MARCHF2: variants seen among roughly 807,000 people sequenced by gnomAD.
MARCHF2 encodes the protein E3 ubiquitin-protein ligase MARCHF2.
In MARCHF2, 22 loss-of-function variants were observed where a neutral mutation model predicts 24.0. That is an observed-to-expected ratio of 0.92 (90% CI 0.66 to 1.31). MARCHF2 has a LOEUF of 1.31. Ranked by LOEUF, MARCHF2 falls within the 50% of genes most tolerant of loss-of-function variation. The probability of loss-of-function intolerance (pLI) is 0.00; values close to 1 mark genes in which losing one functional copy is unlikely to be tolerated. For missense variants in MARCHF2, 301 were observed against 335.3 expected, an observed-to-expected ratio of 0.90 and a Z score of 0.80; for synonymous variants, 154 against 153.0, an observed-to-expected ratio of 1.01 and a Z score of -0.05.
rs780312175 is a variant in MARCHF2 at position 8,426,649 on chromosome 19, G to A, written c.217G>A (p.Gly73Arg). 4.3e-6 allele frequency: 7 copies of A among 1,613,976 alleles called. No individual in the cohort carries two copies. Among genetic ancestry groups the A allele is most frequent in the Admixed American group, 1.7e-5 (1 of 59,988 alleles). ...CCGGATCTGCCATGAGGGAGCGAAC[G>A]GGGAGTGCTTGCTGTCCCCGTGTGG... ...FCRICHEGAN[G>R]ECLLSPCGCT... Residue 73 changes from glycine (G) to arginine (R), a missense_variant, in exon 3 of 5, where the codon GGG becomes AGG. Physicochemically the swap from Gly to Arg is moderately radical, Grantham distance 125. Coordinates refer to ENST00000215555, the MANE Select transcript of MARCHF2 (RefSeq NM_001005415.2).
chr19:8,434,288 T>G (rs1194593708), intron 4 of MARCHF2, among the ~76,000 whole-genome samples: 2 of 152,074 alleles, frequency 1.3e-5, no homozygotes, highest in Non-Finnish European at 2.9e-5. Context: ...TTTCGCCATG[T>G]TGGCCAGGCT....
At chr19:8,417,902 AC>A (rs1967126840) in intron 1 of MARCHF2, among the ~76,000 whole-genome samples, 1 of 151,066 alleles carries the variant, frequency 6.6e-6, no homozygotes, top group Non-Finnish European at 1.5e-5. Flanking sequence ...AGCTGGGATT[AC>A]AGGCATGCGC....
Position 8,430,583 on chromosome 19 carries a change from G to T in MARCHF2, c.373-75G>T. On this transcript the variant is annotated intron_variant, in intron 3 of 4. Transcript: ENST00000215555. The surrounding 1 kb of genome is among the most constrained non-coding windows in gnomAD (Gnocchi z 4.4). ...AAAGGACAGAGGGAGGCCTAGGCCT[G>T]GAGGTCCTTACCCCTCCCCCTCAGT... is the stretch of plus-strand genomic sequence containing the variant. 1 of 1,196,320 alleles carries T rather than the reference G, an allele frequency of 8.4e-7. No individual in the cohort carries two copies. The allele number at this position is 1,196,320 out of a possible 1,614,324, so 74.1% of individuals were successfully genotyped here.
chr19:8,436,681 T>C (rs1218962588), intron 4 of MARCHF2, among the ~76,000 whole-genome samples: 1 of 10,124 alleles, frequency 9.9e-5, no homozygotes, highest in South Asian at 0.018. Context: ...GGCTTTCTTT[T>C]TTTTTTTTTT....
At chr19:8,415,722 AAAAAAAAAAAAACAAAAAAAAC>A (rs1377420881) in intron 1 of MARCHF2, among the ~76,000 whole-genome samples, 2 of 67,434 alleles carry the variant, frequency 3.0e-5, no homozygotes, top group Non-Finnish European at 5.9e-5. Flanking sequence ...ACTCCATCTC[AAAAAAAAAAAAACAAAAAAAAC>A]AAAAAAAAAA....
chr19:8,427,498 C>T (rs974441393), intron 3 of MARCHF2, among the ~76,000 whole-genome samples: 1 of 148,754 alleles, frequency 6.7e-6, no homozygotes, highest in African/African-American at 2.5e-5. Flanking sequence ...TTCAAAGCAT[C>T]GCTTCTGATA....
intron 4 of MARCHF2, 136 bp from the exon 5 acceptor site, chr19:8,438,252 G>A: frequency 1.2e-6 from 1 of 860,476 alleles, no homozygotes; most frequent in Non-Finnish European, 1.9e-6. Flanking sequence ...TTTGTGGGAG[G>A]AATGTTCATA....
At chr19:8,419,685 G>A (rs1474458005) in intron 1 of MARCHF2, among the ~76,000 whole-genome samples, 3 of 148,614 alleles carry the variant, frequency 2.0e-5, no homozygotes, top group Admixed American at 6.8e-5. Context: ...GCGTGGTGGC[G>A]GGCGCCTGTA....
In MARCHF2 at chr19:8,421,849, G is replaced by A. The variant is rs771511619; in HGVS notation, c.9G>A (p.Thr3=). MT[T]GDCCHLPGSL... ...CGGGGCTCCCGGTGGCCATGACGACGGGTGACTGCTGCCACCTCCCCGGCT... is the reference window on the plus strand; with the variant it reads ...CGGGGCTCCCGGTGGCCATGACGACAGGTGACTGCTGCCACCTCCCCGGCT... The change falls in exon 2 of 5, where the codon ACG becomes ACA. Residue 3 remains threonine (T), a synonymous_variant. Coordinates refer to ENST00000215555, the MANE Select transcript of MARCHF2 (RefSeq NM_001005415.2). The A allele has an allele frequency of 1.2e-5, 20 of 1,608,496 alleles. No individual in the cohort carries two copies. The highest frequency in any genetic ancestry group is 7.8e-5 in the South Asian group (7 of 90,320).
At position 8,430,548 on chromosome 19, in the gene MARCHF2, A is replaced by G; in HGVS notation, c.373-110A>G. ...AGAATCTGTCTCAAAAAAAAAAAAA[A>G]GAAAGAAGGAAAGGACAGAGGGAGG... On this transcript the variant is annotated intron_variant, in intron 3 of 4. Coordinates refer to ENST00000215555, the MANE Select transcript of MARCHF2 (RefSeq NM_001005415.2). The surrounding 1 kb of genome is among the most constrained non-coding windows in gnomAD (Gnocchi z 4.4). 5 of 798,914 alleles carry G rather than the reference A, an allele frequency of 6.3e-6. No homozygotes were observed. The highest frequency in any genetic ancestry group is 5.2e-5 in the East Asian group (2 of 38,448). The allele number at this position is 798,914 out of a possible 1,614,324, so 49.5% of individuals were successfully genotyped here.
intron 4 of MARCHF2, among the ~76,000 whole-genome samples, chr19:8,436,153 G>T (rs189646720): frequency 2.6e-5 from 4 of 150,954 alleles, no homozygotes; most frequent in Admixed American, 6.6e-5. Context: ...TTTTTTTTGG[G>T]GGGGACAGAG....
intron 4 of MARCHF2, among the ~76,000 whole-genome samples, chr19:8,434,935 G>C (rs1204029240): frequency 6.6e-6 from 1 of 151,292 alleles, no homozygotes; most frequent in Non-Finnish European, 1.5e-5. Context: ...CGAACTCCTG[G>C]ACTCAGGTGA....
At chr19:8,438,367 C>CA in intron 4 of MARCHF2, 21 bp from the exon 5 acceptor site, 3 of 1,611,982 alleles carry the variant, frequency 1.9e-6, no homozygotes, top group Non-Finnish European at 2.5e-6. Context: ...GGCCTCCGCT[C>CA]ACTGCAGGGC....
rs1416981461 is a variant in MARCHF2, at chr19:8,421,857, G to C, written c.17G>C (p.Cys6Ser). The part of the protein sequence containing the change: MTTGD[C>S]CHLPGSLCDC... ...CCGGTGGCCATGACGACGGGTGACT[G>C]CTGCCACCTCCCCGGCTCCCTGTGT... Residue 6 changes from cysteine to serine, a missense_variant, in exon 2 of 5, where the codon TGC becomes TCC. Physicochemically the swap from Cys to Ser is moderately radical, Grantham distance 112. Coordinates refer to ENST00000215555, the MANE Select transcript of MARCHF2 (RefSeq NM_001005415.2). 4 of 1,610,236 alleles carry C rather than the reference G, an allele frequency of 2.5e-6. No homozygotes were observed. Among genetic ancestry groups the C allele is most frequent in the Non-Finnish European group, 3.4e-6 (4 of 1,178,188 alleles).
rs77775703 is a variant in MARCHF2 at position 8,422,109 on chromosome 19, G to A, written c.176+93G>A. 2,411 of 1,354,356 alleles carry A rather than the reference G, an allele frequency of 1.8e-3. 41 individuals are homozygous for A. The African/African-American group carries it at 0.033, about 19-fold the overall frequency. The allele number at this position is 1,354,356 out of a possible 1,614,324, so 83.9% of individuals were successfully genotyped here. On this transcript the variant is annotated intron_variant, in intron 2 of 4. Transcript: ENST00000215555. ...CCAGCCTGGGGTTAGAAGTCCAACC[G>A]TTGACAGAGGGCCAAGTGGGTAAAT... is the stretch of plus-strand genomic sequence containing the variant.
At chr19:8,433,290 C>A (rs1967628334) in intron 4 of MARCHF2, among the ~76,000 whole-genome samples, 2 of 151,606 alleles carry the variant, frequency 1.3e-5, no homozygotes, top group South Asian at 4.2e-4. Context: ...TGCCTGTAAT[C>A]CCAGCACTTT....
chr19:8,426,599 CT>C lies in MARCHF2; in HGVS notation c.177-9del. On this transcript the variant is annotated splice_polypyrimidine_tract_variant and intron_variant, in intron 2 of 4. Coordinates refer to ENST00000215555, the MANE Select transcript of MARCHF2 (RefSeq NM_001005415.2). The stretch of plus-strand genomic sequence containing the variant: ...CAATCATTGCTCATGGGTCCTATCT[CT>C]GTGTCCAGTGATGGTCCTTTCTGCC... 6.2e-7 allele frequency: 1 copy of C among 1,612,488 alleles called. No homozygotes were observed. Among genetic ancestry groups the C allele is most frequent in the Non-Finnish European group, 8.5e-7 (1 of 1,179,000 alleles).
At chr19:8,416,916 G>A (rs1467034807) in intron 1 of MARCHF2, among the ~76,000 whole-genome samples, 1 of 152,170 alleles carries the variant, frequency 6.6e-6, no homozygotes, top group Non-Finnish European at 1.5e-5. Context: ...CTTTGAAGGA[G>A]ACACTTATAA....
intron 1 of MARCHF2, among the ~76,000 whole-genome samples, chr19:8,415,409 A>C (rs1967049602): frequency 6.7e-6 from 1 of 150,314 alleles, no homozygotes; most frequent in South Asian, 2.1e-4. Flanking sequence ...AAAAAAAAAA[A>C]AAACAGACAA....
Sources: gnomAD v4.1 joint callset for allele counts (sites outside exome capture counted in the v4.1 genomes callset) on GRCh38, gnomAD v4.1.1 for gene constraint, Gnocchi (gnomAD v3.1) non-coding constraint, MANE v1.5 for transcripts, NCBI Gene and HGNC (gene_info 2026-07-23, HGNC 2026-07-21) for gene names.